Variants in CUL3 observed in about 807,000 individuals in gnomAD.
CUL3 encodes the protein cullin 3.
Under a neutral mutation model 89.1 loss-of-function variants are expected in CUL3, and 19 were observed. The ratio of observed to expected loss-of-function variants is 0.21; its 90% CI spans 0.15 to 0.31. CUL3 has a LOEUF of 0.31. Among genes scored for constraint, CUL3 ranks in the 10% least tolerant of loss-of-function variants. The pLI, the probability that CUL3 is intolerant of heterozygous loss-of-function variation, is 1.00. For missense variants in CUL3, 469 were observed against 942.3 expected, an observed-to-expected ratio of 0.50 and a Z score of 6.58; for synonymous variants, 351 against 308.4, an observed-to-expected ratio of 1.14 and a Z score of -1.45.
At chr2:224,512,886 C>A (rs1692888889) in intron 5 of CUL3, among the ~76,000 whole-genome samples, 1 of 152,132 alleles carries the variant, frequency 6.6e-6, no homozygotes, top group Admixed American at 6.5e-5. Flanking sequence ...TTGAACAACA[C>A]AAGTTTGAAC....
chr2:224,557,929 ATT>A, intron 1 of CUL3, 73 bp from the exon 2 acceptor site: 2 of 831,424 alleles, frequency 2.4e-6, no homozygotes, highest in Non-Finnish European at 3.7e-6. Context: ...GTCTTTCTAT[ATT>A]TGTCCATATA....
chr2:224,578,224 T>A (rs955028221), intron 1 of CUL3, among the ~76,000 whole-genome samples: 4 of 152,106 alleles, frequency 2.6e-5, no homozygotes, highest in Admixed American at 6.5e-5. Flanking sequence ...AGAAAAAATA[T>A]GGACTCCCTG....
intron 13 of CUL3, among the ~76,000 whole-genome samples, chr2:224,489,013 CAT>C (rs1378220708): frequency 7.2e-5 from 11 of 152,212 alleles, no homozygotes; most frequent in East Asian, 1.9e-4. Context: ...GAAAAAACCA[CAT>C]GATTATCTCA....
chr2:224,513,472 A>G (rs2106220244), intron 5 of CUL3, 52 bp downstream of exon 5: 1 of 1,193,298 alleles, frequency 8.4e-7, no homozygotes, highest in South Asian at 1.4e-5. Context: ...ACTATATTAA[A>G]TAACATTAAG....
At position 224,584,945 on chromosome 2, in the gene CUL3, G is replaced by A. The variant is rs867746441; in HGVS notation, c.65C>T (p.Pro22Leu). Residue 22 changes from proline to leucine, a missense_variant and splice_region_variant, in exon 1 of 16, where the codon CCG becomes CTG. Coordinates refer to ENST00000264414, the MANE Select transcript of CUL3 (RefSeq NM_003590.5). ...CCCGGACGCCGAGGAGAGACTCACC[G>A]GAAAGGCCCGGATCCGCATCTTGGT... The part of the protein sequence containing the change: ...KDTKMRIRAF[P>L]MTMDEKYVNS... 1 of 1,487,108 alleles carries A rather than the reference G, an allele frequency of 6.7e-7. No homozygotes were observed. The highest frequency in any genetic ancestry group is 9.0e-7 in the Non-Finnish European group (1 of 1,106,686). 92.1% of individuals were successfully genotyped at this position (1,487,108 alleles called of 1,614,324 possible).
At chr2:224,535,381 G>C in intron 3 of CUL3, 147 bp downstream of exon 3, 1 of 492,572 alleles carries the variant, frequency 2.0e-6, no homozygotes, top group Non-Finnish European at 3.6e-6. Context: ...CGCTGGCCAG[G>C]CTGGTCTCAA....
chr2:224,544,417 A>G (rs771111001), intron 2 of CUL3, among the ~76,000 whole-genome samples: 11 of 152,142 alleles, frequency 7.2e-5, no homozygotes, highest in Non-Finnish European at 1.5e-4. Context: ...AATAGCACTT[A>G]ATGCCATAAC....
rs766255735 is a variant in CUL3 at position 224,503,643 on chromosome 2, A to G, written c.1377+9T>C. ...AGGTGCACTCTATTTCATCTAAAACACACCTTACCTTTAACTTAGATATCA... is the reference window on the plus strand; with the variant it reads ...AGGTGCACTCTATTTCATCTAAAACGCACCTTACCTTTAACTTAGATATCA... On this transcript the variant is annotated intron_variant, in intron 9 of 15. Coordinates refer to ENST00000264414, the MANE Select transcript of CUL3 (RefSeq NM_003590.5). 4.3e-5 allele frequency: 68 copies of G among 1,563,274 alleles called. No homozygotes were observed. The highest frequency in any genetic ancestry group is 3.5e-6 in the Non-Finnish European group (4 of 1,159,018).
At chr2:224,534,587 T>G (rs1432572981) in intron 3 of CUL3, among the ~76,000 whole-genome samples, 25 of 152,198 alleles carry the variant, frequency 1.6e-4, no homozygotes, top group Admixed American at 1.6e-3. Flanking sequence ...TTTTTCCATA[T>G]TTTCCATTTT....
In CUL3 at chr2:224,542,495, T is replaced by TTGTGTGTGTG. The variant is rs10590934; in HGVS notation, c.265-6864_265-6855dup. Among the ~76,000 whole-genome samples the TTGTGTGTGTG allele has an allele frequency of 5.6e-3, 837 of 150,316 alleles. 1 individual carries two copies. Among genetic ancestry groups the TTGTGTGTGTG allele is most frequent in the Non-Finnish European group, 9.1e-3 (616 of 67,532 alleles). On this transcript the variant is annotated intron_variant, in intron 2 of 15. Transcript: ENST00000264414. ...AGCACGCGCCAGCACTTCTGGCTTT[T>TTGTGTGTGTG]TGTGTGTGTGTGTGTGTGTATGTGT... is the stretch of plus-strand genomic sequence containing the variant.
chr2:224,579,365 C>T (rs189008813), intron 1 of CUL3, among the ~76,000 whole-genome samples: 9 of 152,226 alleles, frequency 5.9e-5, no homozygotes, highest in Non-Finnish European at 1.5e-5. Context: ...CAGCTTTCCT[C>T]TATGTACCAG....
intron 6 of CUL3, among the ~76,000 whole-genome samples, chr2:224,509,403 G>T (rs13027922): frequency 0.16 from 24,865 of 152,126 alleles, 2,223 homozygotes; most frequent in South Asian, 0.27. Context: ...TTTTCATAGA[G>T]ACAGGGTTTC....
chr2:224,568,320 C>T (rs1338637166), intron 1 of CUL3, among the ~76,000 whole-genome samples: 1 of 152,158 alleles, frequency 6.6e-6, no homozygotes, highest in African/African-American at 2.4e-5. Flanking sequence ...CAGTTTGTAA[C>T]CATCACTACA....
At chr2:224,498,238 T>C (rs1692241852) in intron 11 of CUL3, among the ~76,000 whole-genome samples, 1 of 152,188 alleles carries the variant, frequency 6.6e-6, no homozygotes, top group African/African-American at 2.4e-5. Context: ...GTACGAAAAA[T>C]ACTCAATGCA....
In CUL3 at chr2:224,479,796, T is replaced by C. The variant is rs577651414; in HGVS notation, c.2030-1451A>G. The C allele has an allele frequency of 5.9e-5, 9 of 152,368 alleles. No homozygotes were observed. The East Asian group carries it at 1.5e-3, about 26-fold the overall frequency. 9.4% of individuals were successfully genotyped at this position (152,368 alleles called of 1,614,324 possible). A position where few individuals can be genotyped will look rare whatever the true frequency, so the allele number is the denominator to read the frequency against. The stretch of plus-strand genomic sequence containing the variant: ...GATATTCATTATAGTGCTTTTCACT[T>C]TCTTTGTGGATTTGAAAACAAAAAA... On this transcript the variant is annotated intron_variant, in intron 14 of 15. Coordinates refer to ENST00000264414, the MANE Select transcript of CUL3 (RefSeq NM_003590.5).
At position 224,482,512 on chromosome 2, in the gene CUL3, G is replaced by A. The variant is rs566757252; in HGVS notation, c.1843-434C>T. ...TCATAGAAAAAAGGAAGGTAAGCCT[G>A]AGCTCAGGCCTTCTACCATACAATC... On this transcript the variant is annotated intron_variant, in intron 13 of 15. Coordinates refer to ENST00000264414, the MANE Select transcript of CUL3 (RefSeq NM_003590.5). Among the ~76,000 whole-genome samples, 44 of 152,004 alleles carry A rather than the reference G, an allele frequency of 2.9e-4. 1 individual carries two copies. The highest frequency in any genetic ancestry group is 3.9e-4 in the Admixed American group (6 of 15,278).
At chr2:224,503,411 C>T (rs181058347) in intron 9 of CUL3, among the ~76,000 whole-genome samples, 158 of 152,294 alleles carry the variant, frequency 1.0e-3, no homozygotes, top group African/African-American at 3.6e-3. Flanking sequence ...TTTACTAATC[C>T]TCCCTTCCAG....
At chr2:224,488,202 GCAAA>G (rs1691814840) in intron 13 of CUL3, among the ~76,000 whole-genome samples, 2 of 151,580 alleles carry the variant, frequency 1.3e-5, no homozygotes, top group Non-Finnish European at 2.9e-5. Flanking sequence ...ACAAGCAAGA[GCAAA>G]CAAATTCAAA....
At chr2:224,531,673 C>T (rs761295909) in intron 3 of CUL3, among the ~76,000 whole-genome samples, 2 of 151,608 alleles carry the variant, frequency 1.3e-5, no homozygotes, top group East Asian at 1.9e-4. Flanking sequence ...GTGGGGAGTA[C>T]GTGGGTCAGG....
Sources: allele counts gnomAD v4.1 joint callset (sites outside exome capture counted in the v4.1 genomes callset), GRCh38; gene constraint gnomAD v4.1.1; transcripts MANE v1.5; gene names NCBI Gene and HGNC (gene_info 2026-07-23, HGNC 2026-07-21).